NCAPD3: variants seen among roughly 807,000 people sequenced by gnomAD.
NCAPD3 encodes non-SMC condensin II complex subunit D3.
In NCAPD3, 105 loss-of-function variants were observed where a neutral mutation model predicts 182.9. The ratio of observed to expected loss-of-function variants is 0.57; its 90% CI spans 0.49 to 0.68. The LOEUF is 0.68. Ranked by LOEUF, NCAPD3 falls within the 30% of genes least tolerant of loss-of-function variation. NCAPD3 has a pLI of 0.00. For missense variants in NCAPD3, 1,944 were observed against 1,837.0 expected (o/e 1.06, Z -1.07); for synonymous variants, 815 against 679.9 (o/e 1.20, Z -3.09).
intron 24 of NCAPD3, among the ~76,000 whole-genome samples, chr11:134,174,097 G>A (rs773473693): frequency 2.0e-5 from 3 of 151,986 alleles, no homozygotes; most frequent in Non-Finnish European, 2.9e-5. Flanking sequence ...AGAAACACAC[G>A]AAAAAACGTA....
chr11:134,207,893 C>G (rs1937675376), intron 7 of NCAPD3, among the ~76,000 whole-genome samples: 1 of 152,052 alleles, frequency 6.6e-6, no homozygotes, highest in South Asian at 2.1e-4. Context: ...ATATTTCAAG[C>G]ACACAGAAGT....
intron 15 of NCAPD3, among the ~76,000 whole-genome samples, chr11:134,193,472 G>T (rs1444506965): frequency 1.3e-5 from 2 of 152,186 alleles, no homozygotes; most frequent in African/African-American, 4.8e-5. Flanking sequence ...GAAGAAAAGG[G>T]CCGGGTGCAG....
intron 7 of NCAPD3, among the ~76,000 whole-genome samples, chr11:134,208,193 G>A (rs565347198): frequency 6.6e-6 from 1 of 152,292 alleles, no homozygotes; most frequent in South Asian, 2.1e-4. Context: ...GCAAGGTAAC[G>A]CGTCGCAGAT....
In NCAPD3 at chr11:134,152,992, G is replaced by A; in HGVS notation, c.4449C>T (p.Ala1483=). 3.8e-6 allele frequency: 6 copies of A among 1,586,262 alleles called. No homozygotes were observed. The highest frequency in any genetic ancestry group is 5.2e-6 in the Non-Finnish European group (6 of 1,164,384). ...RSPARNKDTP[A]CSRRSLRKTP... is the part of the protein sequence containing the mutation. The stretch of plus-strand genomic sequence containing the variant: ...TCTTTCGGAGGGACCTCCTGCTGCA[G>A]GCTGGAGTGTCTTTATTCCTGGCGG... Residue 1483 remains alanine, a synonymous_variant, in exon 35 of 35, where the codon GCC becomes GCT. Coordinates refer to ENST00000534548, the MANE Select transcript of NCAPD3 (RefSeq NM_015261.3).
At chr11:134,188,547 C>T (rs1056077545) in intron 16 of NCAPD3, among the ~76,000 whole-genome samples, 20 of 152,348 alleles carry the variant, frequency 1.3e-4, no homozygotes, top group African/African-American at 4.8e-4. Flanking sequence ...GGGTCTGCGG[C>T]TTCATTCCTG....
intron 13 of NCAPD3, among the ~76,000 whole-genome samples, chr11:134,200,667 G>A (rs1378730259): frequency 6.6e-6 from 1 of 152,134 alleles, no homozygotes; most frequent in Non-Finnish European, 1.5e-5. Flanking sequence ...AAAGTGTGGT[G>A]GTTCCTCAAA....
At chr11:134,209,596 A>T (rs1937750110) in intron 4 of NCAPD3, 119 bp from the exon 5 acceptor site, 1 of 940,248 alleles carries the variant, frequency 1.1e-6, no homozygotes, top group Non-Finnish European at 1.6e-6. Flanking sequence ...TGTTGAGGTG[A>T]TATGACTTTG....
At chr11:134,220,075 T>C (rs895704582) in intron 2 of NCAPD3, among the ~76,000 whole-genome samples, 1 of 152,224 alleles carries the variant, frequency 6.6e-6, no homozygotes, top group African/African-American at 2.4e-5. Context: ...ATTACAGGCA[T>C]GAGCCACCAT....
At chr11:134,158,196 G>T in intron 30 of NCAPD3, 129 bp from the exon 31 acceptor site, 2 of 1,518,042 alleles carry the variant, frequency 1.3e-6, no homozygotes, top group Non-Finnish European at 1.8e-6. Context: ...ACCTCCCAGG[G>T]CACAGTGTGG....
At chr11:134,193,470 G>A (rs532460421) in intron 15 of NCAPD3, among the ~76,000 whole-genome samples, 1 of 152,272 alleles carries the variant, frequency 6.6e-6, no homozygotes, top group African/African-American at 2.4e-5. Context: ...GTGAAGAAAA[G>A]GGCCGGGTGC....
chr11:134,206,873 A>T, intron 7 of NCAPD3, 141 bp from the exon 8 acceptor site: 1 of 756,946 alleles, frequency 1.3e-6, no homozygotes, highest in Non-Finnish European at 2.0e-6. Flanking sequence ...AACACTAGGG[A>T]TATATTTCTT....
chr11:134,167,496 G>T (rs1475239296), intron 27 of NCAPD3, among the ~76,000 whole-genome samples: 1 of 139,108 alleles, frequency 7.2e-6, no homozygotes, highest in Non-Finnish European at 1.5e-5. Context: ...TGGGGGAGGC[G>T]CACACTCGTG....
intron 20 of NCAPD3, among the ~76,000 whole-genome samples, chr11:134,179,558 C>T (rs1008803514): frequency 1.3e-5 from 2 of 152,210 alleles, no homozygotes; most frequent in African/African-American, 4.8e-5. Context: ...TCGATTAGCT[C>T]TGGTGAACAC....
chr11:134,168,993 G>C lies in NCAPD3; in HGVS notation c.3163C>G (p.His1055Asp). ...LKRNPVMFFQ[H>D]FIECIFHFNN... is the part of the protein sequence containing the mutation. Reference sequence around the variant, plus strand: ...AAGTGAAAAATACATTCAATGAAGTGTTGGAAGAACATGACAGGGTTCCTC... The same window carrying C: ...AAGTGAAAAATACATTCAATGAAGTCTTGGAAGAACATGACAGGGTTCCTC... The change falls in exon 25 of 35, where the codon CAC (histidine) becomes GAC (aspartate). Residue 1055 changes from histidine to aspartate, a missense_variant. Physicochemically the swap from His to Asp is moderately conservative, Grantham distance 81 (BLOSUM62 -1). Around this residue, in one of 3 missense-constraint regions of NCAPD3, gnomAD observed 1,803 missense variants for 1,674.6 expected, o/e 1.08. Transcript: ENST00000534548. The C allele has an allele frequency of 6.2e-7, 1 of 1,613,968 alleles. No homozygotes were observed. The highest frequency in any genetic ancestry group is 8.5e-7 in the Non-Finnish European group (1 of 1,179,866).
intron 28 of NCAPD3, 44 bp downstream of exon 28, chr11:134,161,737 A>G (rs1279959160): frequency 9.5e-6 from 11 of 1,160,024 alleles, no homozygotes; most frequent in Non-Finnish European, 1.4e-5. Flanking sequence ...CTAAGTAATG[A>G]ACTGGTAGGA....
intron 12 of NCAPD3, 52 bp downstream of exon 12, chr11:134,203,090 C>A: frequency 7.1e-7 from 1 of 1,407,766 alleles, no homozygotes; most frequent in Non-Finnish European, 9.9e-7. Flanking sequence ...AAATATTCCA[C>A]AAATTTTTAA....
intron 13 of NCAPD3, 131 bp from the exon 14 acceptor site, chr11:134,194,869 G>C (rs1189773405): frequency 1.1e-5 from 6 of 538,132 alleles, no homozygotes; most frequent in Non-Finnish European, 1.3e-5. Context: ...CCTAAGAAAT[G>C]AGAGTGTGGA....
Position 134,178,908 on chromosome 11 carries a change from A to G in NCAPD3, c.2588T>C (p.Ile863Thr), listed in dbSNP as rs1333953107. The change falls in exon 21 of 35, where the codon ATA (isoleucine) becomes ACA (threonine). Residue 863 changes from isoleucine (I) to threonine (T), a missense_variant. By Grantham distance (89) the Ile-to-Thr change is moderately conservative (BLOSUM62 -1). This residue lies in a region of NCAPD3 where 1,803 missense variants were observed against 1,674.6 expected (regional missense o/e 1.08). Transcript: ENST00000534548. ...CACCCTGGCTGGACACAGCTGGGCT[A>G]TATCCCCTAAGGTAAAAATGTACTT... ...LVKYIFTLGD[I>T]AQLCPARVEK... is the part of the protein sequence containing the mutation. 5 of 1,614,052 alleles carry G rather than the reference A, an allele frequency of 3.1e-6. No homozygotes were observed. The highest frequency in any genetic ancestry group is 1.1e-5 in the South Asian group (1 of 91,052).
chr11:134,181,500 T>C (rs1159902684), intron 19 of NCAPD3, among the ~76,000 whole-genome samples: 1 of 152,224 alleles, frequency 6.6e-6, no homozygotes, highest in African/African-American at 2.4e-5. Flanking sequence ...TCTATAATAG[T>C]AGTGCTCCTC....
Sources: gnomAD v4.1 joint callset for allele counts (sites outside exome capture counted in the v4.1 genomes callset) on GRCh38, gnomAD v4.1.1 for gene constraint, gnomAD v4.1.1 regional missense constraint, MANE v1.5 for transcripts, NCBI Gene and HGNC (gene_info 2026-07-23, HGNC 2026-07-21) for gene names.